Variants in RASAL2 observed in about 807,000 individuals in gnomAD.
RASAL2 encodes the protein ras GTPase-activating protein nGAP.
RASAL2 carries 58 observed loss-of-function variants against 128.9 expected under a neutral mutation model. The ratio of observed to expected loss-of-function variants is 0.45; its 90% CI spans 0.36 to 0.56. The LOEUF (loss-of-function observed/expected upper bound fraction) is 0.56. Among genes scored for constraint, RASAL2 ranks in the 20% least tolerant of loss-of-function variants. RASAL2 has a pLI of 0.00. For missense variants in RASAL2, 1,360 were observed against 1,601.6 expected (o/e 0.85, Z 2.57); for synonymous variants, 561 against 580.8 (o/e 0.97, Z 0.49).
chr1:178,420,165 A>G (rs1285077062), intron 4 of RASAL2, among the ~76,000 whole-genome samples: 3 of 152,168 alleles, frequency 2.0e-5, no homozygotes, highest in Non-Finnish European at 2.9e-5. Context: ...TGCTGGTACC[A>G]TCTTCATAGA....
intron 1 of RASAL2, among the ~76,000 whole-genome samples, chr1:178,130,573 T>C (rs534559908): frequency 6.6e-6 from 1 of 152,364 alleles, no homozygotes; most frequent in South Asian, 2.1e-4. Context: ...TAGTTTATCA[T>C]ACGGGAAATG....
At chr1:178,413,753 T>C (rs1674567703) in intron 4 of RASAL2, among the ~76,000 whole-genome samples, 1 of 152,136 alleles carries the variant, frequency 6.6e-6, no homozygotes, top group South Asian at 2.1e-4. Context: ...CTAAGGGCTC[T>C]AATGGATAAA....
chr1:178,347,427 A>C (rs186527087), intron 3 of RASAL2, among the ~76,000 whole-genome samples: 1 of 152,328 alleles, frequency 6.6e-6, no homozygotes, highest in African/African-American at 2.4e-5. Flanking sequence ...ATAGTCTGAA[A>C]AAATAAATTT....
chr1:178,420,035 T>C (rs1675038295), intron 4 of RASAL2, among the ~76,000 whole-genome samples: 1 of 152,228 alleles, frequency 6.6e-6, no homozygotes, highest in South Asian at 2.1e-4. Flanking sequence ...TTCTGTCAGT[T>C]ATCTTTTAAT....
rs989896720 is a variant in RASAL2 at position 178,300,262 on chromosome 1, A to G, written c.457+144A>G. 9.2e-6 allele frequency: 9 copies of G among 974,936 alleles called. No homozygotes were observed. In the African/African-American group the frequency reaches 1.3e-4, roughly 14 times the overall value. 60.4% of individuals were successfully genotyped at this position (974,936 alleles called of 1,614,324 possible). A position where few individuals can be genotyped will look rare whatever the true frequency, so the allele number is the denominator to read the frequency against. ...GCACGTTAAGCGAGAGTTAGAGGTC[A>G]TTAGAGAGTTCTGTTCTTTATAACC... On this transcript the variant is annotated intron_variant, in intron 3 of 17. Coordinates refer to ENST00000367649, the MANE Select transcript of RASAL2 (RefSeq NM_170692.4).
intron 1 of RASAL2, among the ~76,000 whole-genome samples, chr1:178,280,334 T>C (rs932805599): frequency 1.3e-5 from 2 of 152,060 alleles, no homozygotes; most frequent in Non-Finnish European, 2.9e-5. Context: ...TTTGCAAAAA[T>C]ATAAAAGAGT....
intron 3 of RASAL2, among the ~76,000 whole-genome samples, chr1:178,348,922 C>T (rs1670297272): frequency 6.6e-6 from 1 of 151,114 alleles, no homozygotes; most frequent in Admixed American, 6.6e-5. Context: ...GCCTCAGCCT[C>T]CCAAGTAGCT....
intron 3 of RASAL2, among the ~76,000 whole-genome samples, chr1:178,366,583 A>ACCCCCC (rs1170150772): frequency 4.0e-4 from 15 of 37,892 alleles, no homozygotes; most frequent in East Asian, 1.1e-3. Flanking sequence ...GGTACCTCCC[A>ACCCCCC]CCCCCCCCCG....
chr1:178,379,056 A>T (rs1672141525), intron 3 of RASAL2, among the ~76,000 whole-genome samples: 1 of 152,178 alleles, frequency 6.6e-6, no homozygotes, highest in Non-Finnish European at 1.5e-5. Context: ...ACATGAAAAA[A>T]GGGTATAATT....
intron 1 of RASAL2, among the ~76,000 whole-genome samples, chr1:178,105,607 G>T (rs941845176): frequency 1.3e-5 from 2 of 152,000 alleles, no homozygotes; most frequent in Non-Finnish European, 2.9e-5. Context: ...TGATACAGTG[G>T]GAAAGTATGG....
chr1:178,289,615 A>G (rs185465300), intron 2 of RASAL2, among the ~76,000 whole-genome samples: 375 of 152,126 alleles, frequency 2.5e-3, no homozygotes, highest in Middle Eastern at 6.8e-3. Flanking sequence ...GCACCAGGCC[A>G]TCTCTCTTCT....
chr1:178,097,782 A>G (rs1189627685), intron 1 of RASAL2, among the ~76,000 whole-genome samples: 1 of 152,224 alleles, frequency 6.6e-6, no homozygotes, highest in Admixed American at 6.5e-5. Context: ...TTTGCCTCAC[A>G]AAATTTGAAG....
In RASAL2 at chr1:178,390,211, G is replaced by A; in HGVS notation, c.564+5G>A. On this transcript the variant is annotated splice_donor_5th_base_variant and intron_variant, in intron 4 of 17. Transcript: ENST00000367649. ...ACCTCACCCTTCAAAGTACCAGTAA[G>A]TGTTTATCTTCTTTATAAGAATATT... The A allele has an allele frequency of 1.3e-6, 2 of 1,584,536 alleles. No individual in the cohort carries two copies. The highest frequency in any genetic ancestry group is 1.1e-5 in the South Asian group (1 of 88,962).
chr1:178,422,118 G>C (rs1039277168), intron 5 of RASAL2, among the ~76,000 whole-genome samples: 2 of 151,868 alleles, frequency 1.3e-5, no homozygotes, highest in African/African-American at 4.8e-5. Flanking sequence ...AAACTTGGGA[G>C]ACAAGATTTT....
At chr1:178,156,935 A>G (rs1364254328) in intron 1 of RASAL2, among the ~76,000 whole-genome samples, 1 of 152,174 alleles carries the variant, frequency 6.6e-6, no homozygotes, top group Non-Finnish European at 1.5e-5. Context: ...GCCCAGATCA[A>G]TAATGTATTA....
At chr1:178,384,020 T>C (rs1296441787) in intron 3 of RASAL2, among the ~76,000 whole-genome samples, 1 of 152,230 alleles carries the variant, frequency 6.6e-6, no homozygotes, top group Non-Finnish European at 1.5e-5. Flanking sequence ...TGAAGTAAAC[T>C]GAAGAATTCA....
intron 1 of RASAL2, among the ~76,000 whole-genome samples, chr1:178,135,497 A>T (rs564587098): frequency 0.015 from 67 of 4,346 alleles, no homozygotes; most frequent in African/African-American, 0.054. Context: ...GTCTCTTCAT[A>T]AAAAAAAAAA....
At chr1:178,172,670 T>C (rs1661741874) in intron 1 of RASAL2, among the ~76,000 whole-genome samples, 1 of 152,056 alleles carries the variant, frequency 6.6e-6, no homozygotes, top group Non-Finnish European at 1.5e-5. Context: ...TAGAATAAAA[T>C]AATTTGTATT....
intron 5 of RASAL2, among the ~76,000 whole-genome samples, chr1:178,436,067 G>T (rs1267164376): frequency 6.6e-6 from 1 of 152,034 alleles, no homozygotes; most frequent in Non-Finnish European, 1.5e-5. Flanking sequence ...AGGTAAACAT[G>T]AATTAGAGGA....
Sources: allele counts gnomAD v4.1 joint callset (sites outside exome capture counted in the v4.1 genomes callset), GRCh38; gene constraint gnomAD v4.1.1; transcripts MANE v1.5; gene names NCBI Gene and HGNC (gene_info 2026-07-23, HGNC 2026-07-21).